TSPEAR: variants seen among roughly 807,000 people sequenced by gnomAD.
TSPEAR encodes thrombospondin-type laminin G domain and EAR repeat-containing protein.
A neutral mutation model predicts 71.6 loss-of-function variants in TSPEAR; 69 were observed. The observed-to-expected ratio is 0.96, with a 90% confidence interval of 0.79 to 1.18. TSPEAR has a LOEUF of 1.18. Ranked by LOEUF, TSPEAR falls within the 50% of genes most tolerant of loss-of-function variation. The probability of loss-of-function intolerance (pLI) is 0.00; values close to 1 mark genes in which losing one functional copy is unlikely to be tolerated. For missense variants in TSPEAR, 971 were observed against 894.9 expected (o/e 1.09, Z -1.09); for synonymous variants, 402 against 387.2 (o/e 1.04, Z -0.45).
At chr21:44,664,694 T>C (rs1485856231) in intron 1 of TSPEAR, among the ~76,000 whole-genome samples, 2 of 152,174 alleles carry the variant, frequency 1.3e-5, no homozygotes, top group African/African-American at 4.8e-5. Flanking sequence ...GGCAGGATGG[T>C]GTTGGCAAAA....
intron 1 of TSPEAR, among the ~76,000 whole-genome samples, chr21:44,633,294 T>C (rs62219772): frequency 0.11 from 17,478 of 152,168 alleles, 1,710 homozygotes; most frequent in African/African-American, 0.26. Context: ...CTCTTCCTTT[T>C]CCTGGTTCCT....
At chr21:44,576,788 C>A (rs906754765) in intron 1 of TSPEAR, among the ~76,000 whole-genome samples, 1 of 152,150 alleles carries the variant, frequency 6.6e-6, no homozygotes, top group Non-Finnish European at 1.5e-5. Context: ...AAAAACCAAG[C>A]CGACTTAAGG....
At chr21:44,511,338 CACAAACATGCATATGCACTGTGT>C (rs2052370567) in intron 9 of TSPEAR, among the ~76,000 whole-genome samples, 1 of 151,980 alleles carries the variant, frequency 6.6e-6, no homozygotes, top group African/African-American at 2.4e-5. Context: ...TGCATACACA[CACAAACATGCATATGCACTGTGT>C]ACACACACAC....
At chr21:44,561,397 A>G (rs1793430012) in intron 2 of TSPEAR, among the ~76,000 whole-genome samples, 1 of 152,242 alleles carries the variant, frequency 6.6e-6, no homozygotes, top group South Asian at 2.1e-4. Context: ...AAATTCTACC[A>G]GAGGTACAAA....
chr21:44,645,383 G>C (rs1984261282), intron 1 of TSPEAR, among the ~76,000 whole-genome samples: 1 of 148,010 alleles, frequency 6.8e-6, no homozygotes, highest in Non-Finnish European at 1.5e-5. Flanking sequence ...TTGAGACAGA[G>C]TCTTGCTCTG....
chr21:44,520,947 G>A lies in TSPEAR; in HGVS notation c.1566+936C>T. On this transcript the variant is annotated intron_variant, in intron 9 of 11. Coordinates refer to ENST00000323084, the MANE Select transcript of TSPEAR (RefSeq NM_144991.3). This position sits in a 1 kb window ranked among gnomAD's most constrained non-coding sequence, Gnocchi z 4.2. Reference sequence around the variant, plus strand: ...GGGCATCAGCGTCTGCCATGGTTCTGCCCCTGTACCAGCCTCACTGGGACG... The same window carrying A: ...GGGCATCAGCGTCTGCCATGGTTCTACCCCTGTACCAGCCTCACTGGGACG... The A allele has an allele frequency of 6.6e-6, 1 of 152,412 alleles. No homozygotes were observed. The highest frequency in any genetic ancestry group is 1.5e-5 in the Non-Finnish European group (1 of 68,094). The allele number at this position is 152,412 out of a possible 1,614,324, so 9.4% of individuals were successfully genotyped here.
chr21:44,703,149 C>T (rs1429006356), intron 1 of TSPEAR, among the ~76,000 whole-genome samples: 2 of 152,234 alleles, frequency 1.3e-5, no homozygotes, highest in Non-Finnish European at 2.9e-5. Flanking sequence ...CCTTCCCTGC[C>T]TCTGCGTGCT....
chr21:44,608,409 C>CA (rs1981445498), intron 1 of TSPEAR, among the ~76,000 whole-genome samples: 2 of 152,180 alleles, frequency 1.3e-5, no homozygotes, highest in South Asian at 4.1e-4. Context: ...TGGGAGCATT[C>CA]ACACGTGGAC....
intron 9 of TSPEAR, among the ~76,000 whole-genome samples, chr21:44,512,657 C>G (rs587719521): frequency 2.0e-3 from 298 of 152,304 alleles, no homozygotes; most frequent in South Asian, 5.2e-3. Flanking sequence ...TGTAGCACTG[C>G]AGCCTGCCTC....
chr21:44,532,003 G>A (rs587750616), intron 3 of TSPEAR, among the ~76,000 whole-genome samples: 2 of 152,366 alleles, frequency 1.3e-5, no homozygotes, highest in African/African-American at 2.4e-5. Flanking sequence ...GCAGCTGGCC[G>A]TGGTGAGCTC....
At chr21:44,683,843 T>C (rs1436216100) in intron 1 of TSPEAR, among the ~76,000 whole-genome samples, 1 of 152,214 alleles carries the variant, frequency 6.6e-6, no homozygotes, top group Non-Finnish European at 1.5e-5. Context: ...GAAAACATTG[T>C]CTTCATGAAT....
intron 1 of TSPEAR, among the ~76,000 whole-genome samples, chr21:44,706,822 G>C (rs1441552903): frequency 6.6e-6 from 1 of 152,208 alleles, no homozygotes. Flanking sequence ...CAGTGCCCAA[G>C]CTGCCCATGG....
intron 1 of TSPEAR, chr21:44,658,096 C>T: frequency 6.2e-7 from 1 of 1,613,986 alleles, no homozygotes; most frequent in Non-Finnish European, 8.5e-7. Context: ...TGCCCGTGAG[C>T]TGCACGCGCA....
chr21:44,677,099 C>T lies in TSPEAR; in HGVS notation c.82+34334G>A, dbSNP rs141091653. 4.6e-4 allele frequency: 329 copies of T among 718,152 alleles called. No individual in the cohort carries two copies. In the African/African-American group the frequency reaches 4.7e-3, roughly 10 times the overall value. The allele number at this position is 718,152 out of a possible 1,614,324, so 44.5% of individuals were successfully genotyped here. A position where few individuals can be genotyped will look rare whatever the true frequency, so the allele number is the denominator to read the frequency against. On this transcript the variant is annotated intron_variant, in intron 1 of 11. Coordinates refer to ENST00000323084, the MANE Select transcript of TSPEAR (RefSeq NM_144991.3). The stretch of plus-strand genomic sequence containing the variant: ...GATACAAGCTTAGACTCAAATTGAG[C>T]TGCTTGGACCTTTTTGACCACATTA...
intron 7 of TSPEAR, among the ~76,000 whole-genome samples, chr21:44,526,794 C>A (rs1048574661): frequency 3.9e-5 from 6 of 152,244 alleles, no homozygotes; most frequent in African/African-American, 1.4e-4. Context: ...CCCAGACCCA[C>A]CACCTCGACC....
intron 1 of TSPEAR, among the ~76,000 whole-genome samples, chr21:44,651,621 C>G (rs782618593): frequency 6.6e-6 from 1 of 152,162 alleles, no homozygotes; most frequent in Non-Finnish European, 1.5e-5. Flanking sequence ...GTCCTCCTCC[C>G]TCCTTCTGAT....
intron 1 of TSPEAR, chr21:44,580,511 G>A: frequency 6.8e-6 from 11 of 1,613,692 alleles, no homozygotes; most frequent in Non-Finnish European, 9.3e-6. Flanking sequence ...GCAGCTCTCT[G>A]GGCAGTCGTC....
At chr21:44,514,128 C>T (rs2052481698) in intron 9 of TSPEAR, among the ~76,000 whole-genome samples, 1 of 152,204 alleles carries the variant, frequency 6.6e-6, no homozygotes, top group Non-Finnish European at 1.5e-5. Flanking sequence ...GCCCTCCCGC[C>T]CAGGCTCTGC....
At chr21:44,637,686 G>A (rs782026582) in intron 1 of TSPEAR, 1 of 1,341,412 alleles carries the variant, frequency 7.5e-7, no homozygotes, top group Non-Finnish European at 1.0e-6. Context: ...TCCTCCCCCT[G>A]CCAGCAGGCC....
Sources: gnomAD v4.1 joint callset for allele counts (sites outside exome capture counted in the v4.1 genomes callset) on GRCh38, gnomAD v4.1.1 for gene constraint, Gnocchi (gnomAD v3.1) non-coding constraint, MANE v1.5 for transcripts, NCBI Gene and HGNC (gene_info 2026-07-23, HGNC 2026-07-21) for gene names.